The following NAV2 variants were observed in gnomAD, a reference collection of about 807,000 sequenced individuals.
NAV2 encodes the protein helicase, APC down-regulated 1.
Under a neutral mutation model 223.2 loss-of-function variants are expected in NAV2, and 54 were observed. The observed-to-expected ratio is 0.24, with a 90% CI of 0.19 to 0.30. The LOEUF (loss-of-function observed/expected upper bound fraction) is 0.30. Among genes scored for constraint, NAV2 ranks in the 10% least tolerant of loss-of-function variants. NAV2 has a pLI of 1.00. For missense variants in NAV2, 2,806 were observed against 3,147.5 expected (o/e 0.89, Z 2.60); for synonymous variants, 1,279 against 1,239.3 (o/e 1.03, Z -0.67).
intron 1 of NAV2, among the ~76,000 whole-genome samples, chr11:19,426,649 A>G (rs1199894989): frequency 6.6e-6 from 1 of 152,114 alleles, no homozygotes; most frequent in Non-Finnish European, 1.5e-5. Context: ...AATAGGCCAT[A>G]GCCATTGAGA....
chr11:19,345,254 G>T, the NAV2 span, among the ~76,000 whole-genome samples: 1 of 152,352 alleles, frequency 6.6e-6, no homozygotes, highest in East Asian at 1.9e-4. This position sits in a 1 kb window ranked among gnomAD's most constrained non-coding sequence, Gnocchi z 5.2. Flanking sequence ...AGCGCGGGCC[G>T]GAGTGCAGTG....
intron 26 of NAV2, among the ~76,000 whole-genome samples, chr11:20,085,246 A>T (rs555818123): frequency 6.6e-6 from 1 of 152,122 alleles, no homozygotes; most frequent in South Asian, 2.1e-4. Flanking sequence ...AAGAGTAAAT[A>T]CTAGTGGAGA....
chr11:19,346,655 C>T (rs553688713), upstream of NAV2, among the ~76,000 whole-genome samples: 3 of 152,334 alleles, frequency 2.0e-5, no homozygotes, highest in East Asian at 5.8e-4. Flanking sequence ...TCCGCTCGCT[C>T]GCAGTGCACA....
At chr11:19,656,149 A>G (rs1200441530) in intron 1 of NAV2, among the ~76,000 whole-genome samples, 1 of 152,194 alleles carries the variant, frequency 6.6e-6, no homozygotes, top group African/African-American at 2.4e-5. Flanking sequence ...CTTCAAGCTA[A>G]GTTGCTATCT....
At chr11:19,837,909 G>A (rs1010981438) in intron 2 of NAV2, among the ~76,000 whole-genome samples, 27 of 152,156 alleles carry the variant, frequency 1.8e-4, no homozygotes, top group African/African-American at 6.0e-4. Context: ...ATTTATAGCT[G>A]CACTATGGAA....
At chr11:19,692,377 C>T (rs2049202752) in intron 1 of NAV2, among the ~76,000 whole-genome samples, 1 of 152,230 alleles carries the variant, frequency 6.6e-6, no homozygotes, top group Admixed American at 6.5e-5. Flanking sequence ...TATGTTTTTG[C>T]TTGCTTGTGT....
intron 1 of NAV2, among the ~76,000 whole-genome samples, chr11:19,353,234 G>C (rs904375189): frequency 3.9e-5 from 6 of 152,188 alleles, no homozygotes; most frequent in African/African-American, 1.4e-4. Context: ...ACAATTGTGA[G>C]ATAAGTCAAG....
chr11:20,044,893 G>T, intron 13 of NAV2, 75 bp from the exon 14 acceptor site: 1 of 1,233,240 alleles, frequency 8.1e-7, no homozygotes, highest in Middle Eastern at 2.0e-4. Flanking sequence ...TTCAGAGGAG[G>T]AGAGCATCTT....
At chr11:19,917,041 C>A (rs1415985705) in intron 6 of NAV2, among the ~76,000 whole-genome samples, 1 of 152,220 alleles carries the variant, frequency 6.6e-6, no homozygotes, top group Non-Finnish European at 1.5e-5. Context: ...GCATGGCTAT[C>A]CCTTGATGCA....
At chr11:19,899,660 T>C (rs1337921760) in intron 6 of NAV2, among the ~76,000 whole-genome samples, 1 of 152,146 alleles carries the variant, frequency 6.6e-6, no homozygotes, top group Admixed American at 6.5e-5. Flanking sequence ...TGTTCTATAA[T>C]AGAGAGAGGC....
intron 1 of NAV2, among the ~76,000 whole-genome samples, chr11:19,654,512 C>G (rs905061108): frequency 2.0e-5 from 3 of 152,086 alleles, no homozygotes; most frequent in Admixed American, 6.5e-5. Context: ...CTACAGTAAC[C>G]AAAACAGCAT....
intron 1 of NAV2, among the ~76,000 whole-genome samples, chr11:19,467,462 C>T (rs952720809): frequency 5.9e-5 from 9 of 152,128 alleles, no homozygotes; most frequent in Non-Finnish European, 1.0e-4. Flanking sequence ...GAAAATCACT[C>T]GTGGTGTTCG....
At chr11:19,445,227 GC>G (rs1353744995) in intron 1 of NAV2, among the ~76,000 whole-genome samples, 15 of 152,132 alleles carry the variant, frequency 9.9e-5, no homozygotes, top group African/African-American at 2.9e-4. Context: ...GATAGACAGG[GC>G]CCCCTTTGAA....
chr11:19,739,438 C>CTCAGGTCTGTCCCCCTTAATTGTTACT (rs1239268252), intron 1 of NAV2, among the ~76,000 whole-genome samples: 2 of 152,162 alleles, frequency 1.3e-5, no homozygotes, highest in Non-Finnish European at 2.9e-5. Flanking sequence ...GAGATGTAAA[C>CTCAGGTCTGTCCCCCTTAATTGTTACT]TCAGGTCTGT....
chr11:20,009,690 A>G (rs183954894), intron 11 of NAV2, among the ~76,000 whole-genome samples: 85 of 152,250 alleles, frequency 5.6e-4, no homozygotes, highest in Non-Finnish European at 1.1e-3. Context: ...CGGGCTTACT[A>G]TGAGATCTGG....
At chr11:19,546,633 G>A (rs1468926036) in intron 1 of NAV2, among the ~76,000 whole-genome samples, 2 of 152,142 alleles carry the variant, frequency 1.3e-5, no homozygotes, top group African/African-American at 2.4e-5. Flanking sequence ...AGGCTTTTTG[G>A]GGGTGTTTTC....
intron 1 of NAV2, among the ~76,000 whole-genome samples, chr11:19,649,329 CT>C (rs1291678629): frequency 2.6e-5 from 4 of 152,164 alleles, no homozygotes; most frequent in African/African-American, 9.7e-5. Flanking sequence ...AAGATTATTA[CT>C]CCTGTGTTTC....
chr11:19,693,141 C>G (rs1167998772), intron 1 of NAV2, among the ~76,000 whole-genome samples: 1 of 152,246 alleles, frequency 6.6e-6, no homozygotes, highest in Non-Finnish European at 1.5e-5. Context: ...CACGTATCTA[C>G]TACCAGCCCA....
intron 1 of NAV2, among the ~76,000 whole-genome samples, chr11:19,667,714 T>A (rs1256629152): frequency 6.6e-6 from 1 of 152,178 alleles, no homozygotes; most frequent in Non-Finnish European, 1.5e-5. Context: ...AGTATCAATG[T>A]GTATTTTATA....
Sources: allele counts gnomAD v4.1 joint callset (sites outside exome capture counted in the v4.1 genomes callset), GRCh38; gene constraint gnomAD v4.1.1; non-coding constraint Gnocchi (gnomAD v3.1); transcripts MANE v1.5; gene names NCBI Gene and HGNC (gene_info 2026-07-23, HGNC 2026-07-21).